RAB8B: variants seen among roughly 807,000 people sequenced by gnomAD.
The protein encoded by RAB8B is ras-related protein Rab-8B.
In RAB8B, 11 loss-of-function variants were observed where a neutral mutation model predicts 32.0. The observed-to-expected ratio is 0.34, with a 90% CI of 0.22 to 0.57. RAB8B has a LOEUF of 0.57. RAB8B is among the 20% of genes least tolerant of loss of function. The pLI is 0.86. For missense variants in RAB8B, 190 were observed against 258.5 expected, an observed-to-expected ratio of 0.73 and a Z score of 1.82; for synonymous variants, 103 against 89.6, an observed-to-expected ratio of 1.15 and a Z score of -0.85.
chr15:63,258,925 T>A (rs1208287935), intron 5 of RAB8B, among the ~76,000 whole-genome samples: 2 of 152,156 alleles, frequency 1.3e-5, no homozygotes, highest in Non-Finnish European at 2.9e-5. Flanking sequence ...ACCCCTGTAC[T>A]TTTGTTACTT....
rs540183897 is a variant in RAB8B, at chr15:63,259,569, A to G, written c.415-58A>G. The G allele has an allele frequency of 2.3e-4, 331 of 1,431,110 alleles. 3 individuals are homozygous for G. The South Asian group carries it at 3.5e-3, about 15-fold the overall frequency. The allele number at this position is 1,431,110 out of a possible 1,614,324, so 88.7% of individuals were successfully genotyped here. On this transcript the variant is annotated intron_variant, in intron 5 of 7. Coordinates refer to ENST00000321437, the MANE Select transcript of RAB8B (RefSeq NM_016530.3). This position sits in a 1 kb window ranked among gnomAD's most constrained non-coding sequence, Gnocchi z 4.4. ...ACTTTGAAAAACCTAAGAAATACAA[A>G]TGCATTATGTGTTCAAGTATCTTTT...
At chr15:63,249,079 C>T (rs867075583) in intron 2 of RAB8B, among the ~76,000 whole-genome samples, 9 of 152,208 alleles carry the variant, frequency 5.9e-5, no homozygotes, top group Admixed American at 5.9e-4. Context: ...TCTTTGAAAA[C>T]GTTGTCAAGA....
intron 1 of RAB8B, among the ~76,000 whole-genome samples, chr15:63,190,297 G>A (rs943994188): frequency 6.6e-6 from 1 of 152,100 alleles, no homozygotes; most frequent in African/African-American, 2.4e-5. Flanking sequence ...TGAGGAAGAA[G>A]GGGACGGCTG....
intron 5 of RAB8B, among the ~76,000 whole-genome samples, chr15:63,258,097 A>G (rs2038172939): frequency 6.8e-6 from 1 of 147,376 alleles, no homozygotes; most frequent in South Asian, 2.3e-4. Context: ...AAAAGTAAGT[A>G]TAGTTTTTTT....
chr15:63,216,287 G>A (rs1400425431), intron 1 of RAB8B, among the ~76,000 whole-genome samples: 1 of 145,542 alleles, frequency 6.9e-6, no homozygotes, highest in Non-Finnish European at 1.5e-5. Flanking sequence ...GGAGTGCAGC[G>A]GCACAATCTT....
At chr15:63,235,048 A>G (rs2037966971) in intron 1 of RAB8B, among the ~76,000 whole-genome samples, 1 of 152,124 alleles carries the variant, frequency 6.6e-6, no homozygotes, top group Non-Finnish European at 1.5e-5. Flanking sequence ...ACTTGATCCA[A>G]TCTGAACTTG....
chr15:63,262,046 G>C (rs907790790), intron 6 of RAB8B, among the ~76,000 whole-genome samples: 13 of 152,322 alleles, frequency 8.5e-5, no homozygotes, highest in African/African-American at 3.1e-4. Flanking sequence ...TACATATTCA[G>C]CTATAAGAGT....
chr15:63,206,418 C>A (rs2037698514), intron 1 of RAB8B, among the ~76,000 whole-genome samples: 2 of 151,982 alleles, frequency 1.3e-5, no homozygotes, highest in Admixed American at 1.3e-4. Flanking sequence ...ACTCCCCTCT[C>A]CCCCTCATTT....
intron 7 of RAB8B, 96 bp downstream of exon 7, chr15:63,262,838 A>AT: frequency 4.7e-6 from 2 of 428,246 alleles, no homozygotes; most frequent in Non-Finnish European, 7.5e-6. Flanking sequence ...AATTAAACTC[A>AT]TTTTTTTCCT....
intron 1 of RAB8B, among the ~76,000 whole-genome samples, chr15:63,240,171 A>G (rs1218709552): frequency 1.3e-5 from 2 of 152,198 alleles, no homozygotes; most frequent in Non-Finnish European, 2.9e-5. Flanking sequence ...CGGCTTCTTA[A>G]ATAGTGCAGT....
intron 1 of RAB8B, among the ~76,000 whole-genome samples, chr15:63,205,474 G>T (rs1444088202): frequency 1.3e-5 from 2 of 151,934 alleles, no homozygotes; most frequent in Non-Finnish European, 2.9e-5. Flanking sequence ...CTCCAGCCTG[G>T]GCAACAAAGT....
At chr15:63,233,055 C>CTTTTTTTTTTTTTTTTTTTTTTTTTTT (rs752891283) in intron 1 of RAB8B, among the ~76,000 whole-genome samples, 1 of 141,516 alleles carries the variant, frequency 7.1e-6, no homozygotes, top group Non-Finnish European at 1.5e-5. Flanking sequence ...AAGTAGCATT[C>CTTTTTTTTTTTTTTTTTTTTTTTTTTT]TTTTTTTTTT....
chr15:63,263,062 A>C (rs772305689), intron 7 of RAB8B, among the ~76,000 whole-genome samples: 9 of 152,206 alleles, frequency 5.9e-5, no homozygotes, highest in Non-Finnish European at 1.2e-4. Flanking sequence ...TATCTGCATA[A>C]CTACGATTTT....
chr15:63,210,390 C>G (rs1046454532), intron 1 of RAB8B, among the ~76,000 whole-genome samples: 14 of 152,226 alleles, frequency 9.2e-5, no homozygotes, highest in African/African-American at 3.4e-4. Context: ...AATGTTTCCT[C>G]AATGAATTTC....
rs2037900566 is a variant in RAB8B at position 63,227,713 on chromosome 15, GT to G, written c.125-17041del. On this transcript the variant is annotated intron_variant, in intron 1 of 7. Coordinates refer to ENST00000321437, the MANE Select transcript of RAB8B (RefSeq NM_016530.3). ...TCTGTGCATACCTGCTGTTTGTTTTGTTCTTAACTTCATTGTATTATGGGGC... is the reference window on the plus strand; with the variant it reads ...TCTGTGCATACCTGCTGTTTGTTTTGTCTTAACTTCATTGTATTATGGGGC... Among the ~76,000 whole-genome samples the G allele has an allele frequency of 2.6e-5, 4 of 152,174 alleles. No individual in the cohort carries two copies. The East Asian group carries it at 7.7e-4, about 29-fold the overall frequency.
At chr15:63,213,476 TA>T (rs1044204082) in intron 1 of RAB8B, among the ~76,000 whole-genome samples, 18 of 152,336 alleles carry the variant, frequency 1.2e-4, no homozygotes, top group Admixed American at 5.2e-4. Flanking sequence ...TACTTATGCC[TA>T]AAACTGGAAT....
chr15:63,207,847 A>G (rs2037711950), intron 1 of RAB8B, among the ~76,000 whole-genome samples: 1 of 152,142 alleles, frequency 6.6e-6, no homozygotes, highest in Non-Finnish European at 1.5e-5. Context: ...TACAGGCGTG[A>G]GCCACCGCGC....
intron 1 of RAB8B, among the ~76,000 whole-genome samples, chr15:63,204,865 A>T (rs1459932357): frequency 6.6e-6 from 1 of 152,210 alleles, no homozygotes; most frequent in Non-Finnish European, 1.5e-5. Flanking sequence ...TTTTTCTTAT[A>T]CAAGGATGAG....
chr15:63,226,292 A>G (rs1364833844), intron 1 of RAB8B, among the ~76,000 whole-genome samples: 2 of 152,244 alleles, frequency 1.3e-5, no homozygotes, highest in Non-Finnish European at 2.9e-5. Flanking sequence ...CATAGCTAAA[A>G]TGAAGCAGCC....
Sources: allele counts gnomAD v4.1 joint callset (sites outside exome capture counted in the v4.1 genomes callset), GRCh38; gene constraint gnomAD v4.1.1; non-coding constraint Gnocchi (gnomAD v3.1); transcripts MANE v1.5; gene names NCBI Gene and HGNC (gene_info 2026-07-23, HGNC 2026-07-21).